AMZ1: variants seen among roughly 807,000 people sequenced by gnomAD.
The protein encoded by AMZ1 is archaemetzincin-1.
In AMZ1, 39 loss-of-function variants were observed where a neutral mutation model predicts 29.9. That is an observed-to-expected ratio of 1.30 (90% CI 1.01 to 1.70). AMZ1 has a LOEUF of 1.70. Ranked by LOEUF, AMZ1 falls within the 40% of genes most tolerant of loss-of-function variation. The probability of loss-of-function intolerance (pLI) is 0.00; values close to 1 mark genes in which losing one functional copy is unlikely to be tolerated. For synonymous variants in AMZ1, 458 were observed against 304.0 expected, an observed-to-expected ratio of 1.51 and a Z score of -5.27; for missense variants, 1,041 against 680.6, an observed-to-expected ratio of 1.53 and a Z score of -5.89.
Position 2,753,716 on chromosome 7 carries a change from C to T in AMZ1, n.551-10996C>T, listed in dbSNP as rs185259462. Among the ~76,000 whole-genome samples the T allele has an allele frequency of 1.1e-4, 16 of 152,206 alleles. No homozygotes were observed. The East Asian group carries it at 2.3e-3, about 22-fold the overall frequency. ...GGTAAATGCCCAGGAGTGTGACTGCCGGGCTGTATAAGTGTATGTTTAATT... is the reference window on the plus strand; with the variant it reads ...GGTAAATGCCCAGGAGTGTGACTGCTGGGCTGTATAAGTGTATGTTTAATT... On this transcript the variant is annotated intron_variant and non_coding_transcript_variant, in intron 4 of 4. Coordinates refer to the AMZ1 transcript ENST00000489665.
intron 1 of AMZ1, among the ~76,000 whole-genome samples, chr7:2,688,897 C>T (rs1787216212): frequency 6.6e-6 from 1 of 152,228 alleles, no homozygotes; most frequent in African/African-American, 2.4e-5. Flanking sequence ...AGAGAAATGG[C>T]AAACTTTACA....
chr7:2,723,130 AAAG>A (rs71550365), downstream of AMZ1, among the ~76,000 whole-genome samples: 35,561 of 152,090 alleles, frequency 0.23, 4,885 homozygotes, highest in Non-Finnish European at 0.29. Context: ...ACATTTTATA[AAAG>A]AAGAAAAAAA....
chr7:2,750,750 G>C (rs537566119), intron 4 of AMZ1, among the ~76,000 whole-genome samples: 1 of 152,190 alleles, frequency 6.6e-6, no homozygotes, highest in Non-Finnish European at 1.5e-5. Context: ...AAGAGCAAGG[G>C]GGACTATCGG....
chr7:2,731,953 C>T lies in AMZ1; in HGVS notation n.550+22137C>T, dbSNP rs969795899. ...ATCAAATACTTCATTTCAAAACGAA[C>T]GGAGGCTCACCAGTCTGAGGACGAA... On this transcript the variant is annotated intron_variant and non_coding_transcript_variant, in intron 4 of 4. Transcript: ENST00000489665. This position sits in a 1 kb window ranked among gnomAD's most constrained non-coding sequence, Gnocchi z 6.0. 6.6e-6 allele frequency among the ~76,000 whole-genome samples: 1 copy of T among 152,182 alleles called. No homozygotes were observed. The highest frequency in any genetic ancestry group is 1.5e-5 in the Non-Finnish European group (1 of 68,026).
chr7:2,700,509 G>A lies in AMZ1; in HGVS notation c.58G>A (p.Ala20Thr), dbSNP rs1188348814. The A allele has an allele frequency of 6.2e-6, 10 of 1,606,360 alleles. No individual in the cohort carries two copies. The highest frequency in any genetic ancestry group is 1.6e-4 in the Middle Eastern group (1 of 6,084). ...CTTCGGGCCCCGGGCCTTGAAGGAC[G>A]CTCTGGTCTCCACTGACGCAGCCCT... The part of the protein sequence containing the change: ...FSFGPRALKD[A>T]LVSTDAALQQ... The change falls in exon 2 of 7, where the codon GCT becomes ACT. Residue 20 changes from alanine (A) to threonine (T), a missense_variant. Ala to Thr is a moderately conservative substitution (Grantham distance 58). Transcript: ENST00000683327.
At chr7:2,746,708 C>CA (rs1790779332) in intron 4 of AMZ1, among the ~76,000 whole-genome samples, 1 of 152,004 alleles carries the variant, frequency 6.6e-6, no homozygotes, top group African/African-American at 2.4e-5. Flanking sequence ...AAAAACCCTT[C>CA]AAAAAATTAA....
upstream of AMZ1, chr7:2,762,328 G>A (rs1791599525): frequency 6.0e-6 from 2 of 332,472 alleles, no homozygotes; most frequent in East Asian, 4.8e-5. Flanking sequence ...GGCGCTGCGC[G>A]ACTGCTGCTG....
At chr7:2,761,779 G>A (rs372258604), upstream of AMZ1, among the ~76,000 whole-genome samples, 3 of 152,194 alleles carry the variant, frequency 2.0e-5, no homozygotes, top group East Asian at 3.9e-4. Flanking sequence ...GGCACTTCAC[G>A]TTCATTAAAA....
intron 2 of AMZ1, chr7:2,702,431 AGTCCCT>A (rs1788104922): frequency 2.4e-6 from 1 of 414,308 alleles, no homozygotes; most frequent in Non-Finnish European, 4.3e-6. Flanking sequence ...TAACCCTAGA[AGTCCCT>A]GTCCCTGGTG....
In AMZ1 at chr7:2,712,340, C is replaced by A. The variant is rs764237681; in HGVS notation, c.959C>A (p.Thr320Asn). The part of the protein sequence containing the change: ...RLIERYQRLY[T>N]WTQAVVGTWP... The stretch of plus-strand genomic sequence containing the variant: ...GTTTCTCCCTCTTAGAGACTCTACA[C>A]CTGGACTCAGGCGGTGGTGGGGACG... The change falls in exon 7 of 7, where the codon ACC becomes AAC. Residue 320 changes from threonine (T) to asparagine (N), a missense_variant. By Grantham distance (65) the Thr-to-Asn change is moderately conservative. Coordinates refer to ENST00000683327, the MANE Select transcript of AMZ1 (RefSeq NM_001384743.1). 6.3e-7 allele frequency: 1 copy of A among 1,588,754 alleles called. No homozygotes were observed. The highest frequency in any genetic ancestry group is 8.6e-7 in the Non-Finnish European group (1 of 1,166,972).
upstream of AMZ1, among the ~76,000 whole-genome samples, chr7:2,683,363 C>T (rs1417907075): frequency 6.6e-6 from 1 of 152,164 alleles, no homozygotes; most frequent in Non-Finnish European, 1.5e-5. Flanking sequence ...CTTGTGGCTG[C>T]ACCACTCCCA....
At chr7:2,722,299 C>T (rs1789457538), downstream of AMZ1, among the ~76,000 whole-genome samples, 1 of 149,878 alleles carries the variant, frequency 6.7e-6, no homozygotes, top group Non-Finnish European at 1.5e-5. Context: ...TTGAGACAGA[C>T]TCTCGCTCTC....
rs761905456 is a variant in AMZ1 at position 2,741,103 on chromosome 7, A to G, written n.551-23609A>G. Among the ~76,000 whole-genome samples the G allele has an allele frequency of 3.4e-4, 52 of 152,092 alleles. 1 individual carries two copies. Among genetic ancestry groups the G allele is most frequent in the Middle Eastern group, 3.2e-3 (1 of 316 alleles). ...AAACAAAAAACCACTATAGATTTAGATTCTTCATTTGTATCACAGGGATCA... is the reference window on the plus strand; with the variant it reads ...AAACAAAAAACCACTATAGATTTAGGTTCTTCATTTGTATCACAGGGATCA... On this transcript the variant is annotated intron_variant and non_coding_transcript_variant, in intron 4 of 4. Coordinates refer to the AMZ1 transcript ENST00000489665.
intron 3 of AMZ1, among the ~76,000 whole-genome samples, chr7:2,707,301 C>A (rs1165755549): frequency 6.6e-6 from 1 of 151,552 alleles, no homozygotes; most frequent in Non-Finnish European, 1.5e-5. Flanking sequence ...AAAAAACACA[C>A]ACACACAGAA....
At chr7:2,686,787 T>C (rs560903944), upstream of AMZ1, among the ~76,000 whole-genome samples, 2 of 151,968 alleles carry the variant, frequency 1.3e-5, no homozygotes, top group African/African-American at 2.4e-5. Context: ...TAATCTCGGC[T>C]CACTGCAACC....
Position 2,698,533 on chromosome 7 carries a change from A to T in AMZ1, c.-218-1701A>T, listed in dbSNP as rs1021083693. The stretch of plus-strand genomic sequence containing the variant: ...AGCCTGGGCGACACAGCAAGACTCC[A>T]TCTAAAAAAACAAAAAGAAGTTGGG... On this transcript the variant is annotated intron_variant, in intron 1 of 6. Coordinates refer to ENST00000683327, the MANE Select transcript of AMZ1 (RefSeq NM_001384743.1). Among the ~76,000 whole-genome samples the T allele has an allele frequency of 5.0e-4, 76 of 151,914 alleles. 1 individual carries two copies. The highest frequency in any genetic ancestry group is 1.7e-3 in the African/African-American group (72 of 41,352).
At chr7:2,700,855 T>G (rs953751731) in intron 2 of AMZ1, 100 bp downstream of exon 2, 9 of 1,462,976 alleles carry the variant, frequency 6.2e-6, no homozygotes, top group Non-Finnish European at 7.4e-6. Flanking sequence ...AGGACTGAAA[T>G]GAGGGAAGAG....
Position 2,731,501 on chromosome 7 carries a change from T to C in AMZ1, n.550+21685T>C. Reference sequence around the variant, plus strand: ...TTGTTGTTGACGATGGTCTCGAAGATGTTCATGGACTCCACCAGCCGGTTG... The same window carrying C: ...TTGTTGTTGACGATGGTCTCGAAGACGTTCATGGACTCCACCAGCCGGTTG... On this transcript the variant is annotated intron_variant and non_coding_transcript_variant, in intron 4 of 4. Transcript: ENST00000489665. This position sits in a 1 kb window ranked among gnomAD's most constrained non-coding sequence, Gnocchi z 6.0. 4 of 1,613,768 alleles carry C rather than the reference T, an allele frequency of 2.5e-6. No homozygotes were observed. Among genetic ancestry groups the C allele is most frequent in the East Asian group, 2.2e-5 (1 of 44,856 alleles).
upstream of AMZ1, among the ~76,000 whole-genome samples, chr7:2,686,135 A>G (rs1787069431): frequency 6.6e-6 from 1 of 152,250 alleles, no homozygotes; most frequent in Non-Finnish European, 1.5e-5. Context: ...CATGACACGG[A>G]GTCCAGCGCA....
Sources: gnomAD v4.1 joint callset for allele counts (sites outside exome capture counted in the v4.1 genomes callset) on GRCh38, gnomAD v4.1.1 for gene constraint, Gnocchi (gnomAD v3.1) non-coding constraint, MANE v1.5 for transcripts, NCBI Gene and HGNC (gene_info 2026-07-23, HGNC 2026-07-21) for gene names.